The following MYO5B variants were observed in gnomAD, a reference collection of about 807,000 sequenced individuals.
MYO5B encodes the protein myosin VB.
Under a neutral mutation model 229.3 loss-of-function variants are expected in MYO5B, and 143 were observed. The ratio of observed to expected loss-of-function variants is 0.62; its 90% CI spans 0.54 to 0.72. The LOEUF (loss-of-function observed/expected upper bound fraction) is 0.72, where lower values mean the gene tolerates loss of function less well. MYO5B is among the 30% of genes least tolerant of loss of function. The pLI, the probability that MYO5B is intolerant of heterozygous loss-of-function variation, is 0.00. For missense variants in MYO5B, 2,321 were observed against 2,331.0 expected (o/e 1.00, Z 0.09); for synonymous variants, 918 against 885.2 (o/e 1.04, Z -0.66).
Position 49,838,211 on chromosome 18 carries a change from C to G in MYO5B, c.4853-409G>C, listed in dbSNP as rs557599673. On this transcript the variant is annotated intron_variant, in intron 36 of 39. Transcript: ENST00000285039. ...ACCTATGCACCAGGGGCTTTATGTTCAGTATCTCTTTCAATCTTCCAACAA... is the reference window on the plus strand; with the variant it reads ...ACCTATGCACCAGGGGCTTTATGTTGAGTATCTCTTTCAATCTTCCAACAA... Among the ~76,000 whole-genome samples, 14 of 152,290 alleles carry G rather than the reference C, an allele frequency of 9.2e-5. No homozygotes were observed. In the South Asian group the frequency reaches 2.7e-3, roughly 29 times the overall value.
Position 49,957,212 on chromosome 18 carries a change from C to T in MYO5B, c.1546-2777G>A, listed in dbSNP as rs2025503501. 1.4e-5 allele frequency among the ~76,000 whole-genome samples: 2 copies of T among 142,736 alleles called. 1 individual carries two copies. Among genetic ancestry groups the T allele is most frequent in the Non-Finnish European group, 3.0e-5 (2 of 66,070 alleles). The allele number at this position is 142,736 out of a possible 152,430, so 93.6% of individuals were successfully genotyped here. On this transcript the variant is annotated intron_variant, in intron 12 of 39. Coordinates refer to ENST00000285039, the MANE Select transcript of MYO5B (RefSeq NM_001080467.3). Reference sequence around the variant, plus strand: ...TGCAAGTTCTGGGCTCCCTGAGCCCCTCTCAATGTTCCCTGTGGATCTCTA... The same window carrying T: ...TGCAAGTTCTGGGCTCCCTGAGCCCTTCTCAATGTTCCCTGTGGATCTCTA...
intron 1 of MYO5B, among the ~76,000 whole-genome samples, chr18:50,109,639 G>A (rs545269497): frequency 8.9e-4 from 135 of 152,052 alleles, no homozygotes; most frequent in African/African-American, 3.2e-3. Flanking sequence ...CATTAGCCAG[G>A]ATGGTCTCGA....
At chr18:50,097,294 T>G (rs567558997) in intron 1 of MYO5B, 16 of 456,672 alleles carry the variant, frequency 3.5e-5, no homozygotes, top group South Asian at 2.2e-4. Context: ...GTGGCTCACA[T>G]GTGCATCTCA....
At chr18:49,910,766 T>C (rs752405470) in intron 18 of MYO5B, among the ~76,000 whole-genome samples, 2 of 152,216 alleles carry the variant, frequency 1.3e-5, no homozygotes, top group Non-Finnish European at 2.9e-5. Flanking sequence ...CCTGATCATC[T>C]GGCAATGAGC....
At chr18:49,872,542 C>G (rs1390231657) in intron 26 of MYO5B, among the ~76,000 whole-genome samples, 9 of 152,210 alleles carry the variant, frequency 5.9e-5, no homozygotes, top group Non-Finnish European at 8.8e-5. Context: ...AAATGATATT[C>G]TGAAGTCCTC....
At chr18:50,127,001 A>G (rs759693317) in intron 1 of MYO5B, among the ~76,000 whole-genome samples, 25 of 152,366 alleles carry the variant, frequency 1.6e-4, no homozygotes, top group South Asian at 4.1e-4. Context: ...TCCTTGCCAC[A>G]TAGAGAGTTA....
intron 1 of MYO5B, among the ~76,000 whole-genome samples, chr18:50,171,752 T>C (rs2032922719): frequency 7.8e-6 from 1 of 127,582 alleles, no homozygotes; most frequent in Admixed American, 8.4e-5. Flanking sequence ...AATGGAGTTG[T>C]GGATGATCCC....
chr18:50,139,625 C>G (rs1171073279), intron 1 of MYO5B, among the ~76,000 whole-genome samples: 5 of 152,162 alleles, frequency 3.3e-5, no homozygotes, highest in African/African-American at 1.2e-4. Flanking sequence ...GAGGACCCAG[C>G]CTTTCCCTAA....
chr18:49,989,966 C>T (rs1488834855), intron 7 of MYO5B, among the ~76,000 whole-genome samples: 1 of 152,202 alleles, frequency 6.6e-6, no homozygotes, highest in African/African-American at 2.4e-5. Flanking sequence ...CCATGCCATA[C>T]TGCATCCATA....
intron 1 of MYO5B, among the ~76,000 whole-genome samples, chr18:50,063,466 T>G (rs1223634179): frequency 6.6e-6 from 1 of 152,160 alleles, no homozygotes; most frequent in Non-Finnish European, 1.5e-5. Context: ...GCTGCTGTTT[T>G]CTCTTAAATG....
chr18:50,189,893 T>C (rs1010481810), intron 1 of MYO5B, among the ~76,000 whole-genome samples: 2 of 152,138 alleles, frequency 1.3e-5, no homozygotes, highest in African/African-American at 4.8e-5. Context: ...TTTCAAATGA[T>C]TGGTCCCAAA....
At chr18:49,945,789 G>A (rs2025365971) in intron 14 of MYO5B, among the ~76,000 whole-genome samples, 1 of 150,654 alleles carries the variant, frequency 6.6e-6, no homozygotes, top group Non-Finnish European at 1.5e-5. Context: ...AGCTGGGCCT[G>A]GGGGCTCCAT....
rs2025456145 is a variant in MYO5B, at chr18:49,953,892, ATATGTGTGTGTGTGTGTGTGTG to A, written c.1668+399_1668+420del. Among the ~76,000 whole-genome samples, 7 of 127,654 alleles carry A rather than the reference ATATGTGTGTGTGTGTGTGTGTG, an allele frequency of 5.5e-5. No individual in the cohort carries two copies. In the South Asian group the frequency reaches 1.7e-3, roughly 32 times the overall value. 83.7% of individuals were successfully genotyped at this position (127,654 alleles called of 152,430 possible). On this transcript the variant is annotated intron_variant, in intron 13 of 39. Coordinates refer to ENST00000285039, the MANE Select transcript of MYO5B (RefSeq NM_001080467.3). The stretch of plus-strand genomic sequence containing the variant: ...ACTGCTTTAGAATTTATATATACAT[ATATGTGTGTGTGTGTGTGTGTG>A]TGTGTGTGTGTGTGTGTGTAGACTA...
intron 1 of MYO5B, among the ~76,000 whole-genome samples, chr18:50,073,339 G>A (rs577029530): frequency 1.3e-5 from 2 of 152,224 alleles, no homozygotes; most frequent in Admixed American, 6.5e-5. Context: ...GAAAAGCCAA[G>A]GAAGCTAAGC....
chr18:50,130,519 T>C (rs1260313803), intron 1 of MYO5B, among the ~76,000 whole-genome samples: 1 of 152,154 alleles, frequency 6.6e-6, no homozygotes, highest in Non-Finnish European at 1.5e-5. Context: ...TTCCTGGGCA[T>C]TGGCAAAGGC....
chr18:50,085,915 T>C (rs1365457013), intron 1 of MYO5B, among the ~76,000 whole-genome samples: 1 of 141,938 alleles, frequency 7.0e-6, no homozygotes, highest in African/African-American at 2.7e-5. Context: ...GGGACTGTTG[T>C]GGGGTGGGGA....
At chr18:50,166,025 G>A (rs2032846206) in intron 1 of MYO5B, among the ~76,000 whole-genome samples, 1 of 152,154 alleles carries the variant, frequency 6.6e-6, no homozygotes, top group Admixed American at 6.5e-5. Context: ...CCACCAAAGT[G>A]ACAGGCAACT....
chr18:49,843,585 G>T (rs1487838355), intron 33 of MYO5B, among the ~76,000 whole-genome samples, 193 bp from the exon 34 acceptor site: 1 of 152,200 alleles, frequency 6.6e-6, no homozygotes, highest in African/African-American at 2.4e-5. Flanking sequence ...AGTAGTTTCA[G>T]ACACTGTGGT....
chr18:50,157,903 A>G (rs754270021), intron 1 of MYO5B, among the ~76,000 whole-genome samples: 1 of 152,222 alleles, frequency 6.6e-6, no homozygotes, highest in Non-Finnish European at 1.5e-5. Context: ...ACAATTGAGA[A>G]TATTTTAAAA....
Sources: gnomAD v4.1 joint callset for allele counts (sites outside exome capture counted in the v4.1 genomes callset) on GRCh38, gnomAD v4.1.1 for gene constraint, MANE v1.5 for transcripts, NCBI Gene and HGNC (gene_info 2026-07-23, HGNC 2026-07-21) for gene names.